PPFIBP1: variants seen among roughly 807,000 people sequenced by gnomAD.
PPFIBP1 encodes the protein PPFIB scaffold protein 1.
In PPFIBP1, 112 loss-of-function variants were observed where a neutral mutation model predicts 137.8. The ratio of observed to expected loss-of-function variants is 0.81; its 90% confidence interval spans 0.70 to 0.95. The LOEUF is 0.95. Among genes scored for constraint, PPFIBP1 ranks in the 40% least tolerant of loss-of-function variants. PPFIBP1 has a pLI of 0.00. For synonymous variants in PPFIBP1, 378 were observed against 417.3 expected (o/e 0.91, Z 1.15); for missense variants, 1,083 against 1,196.6 (o/e 0.91, Z 1.40).
At chr12:27,617,252 C>T (rs1275518748) in intron 2 of PPFIBP1, among the ~76,000 whole-genome samples, 3 of 152,098 alleles carry the variant, frequency 2.0e-5, no homozygotes, top group Non-Finnish European at 4.4e-5. Flanking sequence ...ATGTATACCC[C>T]GATCACTTAG....
intron 1 of PPFIBP1, among the ~76,000 whole-genome samples, chr12:27,529,020 G>A (rs1456034621): frequency 6.6e-6 from 1 of 152,202 alleles, no homozygotes; most frequent in Non-Finnish European, 1.5e-5. Flanking sequence ...AGAATAGAAA[G>A]ATCATGTAGT....
intron 1 of PPFIBP1, among the ~76,000 whole-genome samples, chr12:27,557,482 G>T (rs543616319): frequency 1.3e-5 from 2 of 151,928 alleles, no homozygotes; most frequent in Non-Finnish European, 2.9e-5. Context: ...TGATCCACCC[G>T]CCTTGGCACA....
At chr12:27,579,876 A>G (rs1428660175) in intron 2 of PPFIBP1, among the ~76,000 whole-genome samples, 1 of 152,184 alleles carries the variant, frequency 6.6e-6, no homozygotes, top group Non-Finnish European at 1.5e-5. Context: ...ATGTTTTTGT[A>G]GATTACTCTT....
In PPFIBP1 at chr12:27,689,093, C is replaced by T; in HGVS notation, c.2575C>T (p.His859Tyr). ...IPPNKTLLRR[H>Y]LATHFNLLIG... is the part of the protein sequence containing the mutation. The stretch of plus-strand genomic sequence containing the variant: ...ACCCAATAAGACTTTGCTGCGAAGA[C>T]ATTTGGCCACTCATTTCAACCTTCT... Residue 859 changes from histidine (H) to tyrosine (Y), a missense_variant, in exon 27 of 30, where the codon CAT becomes TAT. Physicochemically the swap from His to Tyr is moderately conservative, Grantham distance 83. Coordinates refer to ENST00000228425, the MANE Select transcript of PPFIBP1 (RefSeq NM_003622.4). The T allele has an allele frequency of 6.2e-7, 1 of 1,612,414 alleles. No homozygotes were observed. The highest frequency in any genetic ancestry group is 8.5e-7 in the Non-Finnish European group (1 of 1,179,638).
At chr12:27,599,688 C>T (rs1007761015) in intron 2 of PPFIBP1, among the ~76,000 whole-genome samples, 4 of 152,132 alleles carry the variant, frequency 2.6e-5, no homozygotes, top group African/African-American at 9.7e-5. Flanking sequence ...AAAAAAGAGA[C>T]ATCCTGAACC....
intron 2 of PPFIBP1, among the ~76,000 whole-genome samples, chr12:27,626,806 T>A (rs1487725708): frequency 6.6e-6 from 1 of 152,170 alleles, no homozygotes; most frequent in African/African-American, 2.4e-5. Flanking sequence ...CCTCAAGTGG[T>A]CTGCCCACCT....
intron 28 of PPFIBP1, 129 bp downstream of exon 28, chr12:27,692,057 A>T: frequency 8.0e-6 from 6 of 752,232 alleles, no homozygotes; most frequent in Non-Finnish European, 1.3e-5. Context: ...ATAATAGTGA[A>T]CACTTAGAGA....
At chr12:27,640,162 C>A (rs73084322) in intron 4 of PPFIBP1, among the ~76,000 whole-genome samples, 11,957 of 152,192 alleles carry the variant, frequency 0.079, 648 homozygotes, top group East Asian at 0.12. Flanking sequence ...TTGATCAAAT[C>A]GGCAGAATTC....
chr12:27,632,996 G>C (rs193244454), intron 2 of PPFIBP1, among the ~76,000 whole-genome samples: 2 of 152,284 alleles, frequency 1.3e-5, no homozygotes, highest in Admixed American at 1.3e-4. Flanking sequence ...CAGAGATTGG[G>C]TGGGGCTGGT....
chr12:27,614,104 A>G (rs2055475083), intron 2 of PPFIBP1, among the ~76,000 whole-genome samples: 1 of 152,098 alleles, frequency 6.6e-6, no homozygotes, highest in Admixed American at 6.5e-5. Flanking sequence ...TTGGCCAAGC[A>G]TGGTGGCTCA....
chr12:27,565,572 C>G (rs547118363), intron 1 of PPFIBP1, among the ~76,000 whole-genome samples: 1 of 152,284 alleles, frequency 6.6e-6, no homozygotes, highest in South Asian at 2.1e-4. Flanking sequence ...TGTTTTCTCT[C>G]TACCTTTTAT....
intron 1 of PPFIBP1, among the ~76,000 whole-genome samples, chr12:27,551,833 G>A (rs374578969): frequency 6.6e-6 from 1 of 152,220 alleles, no homozygotes; most frequent in Non-Finnish European, 1.5e-5. Context: ...AAAACAGTAT[G>A]TTTACAAATG....
At chr12:27,615,889 A>G (rs1319995919) in intron 2 of PPFIBP1, among the ~76,000 whole-genome samples, 1 of 152,128 alleles carries the variant, frequency 6.6e-6, no homozygotes, top group Non-Finnish European at 1.5e-5. Context: ...GAATTGTCCC[A>G]GGATAACTCA....
chr12:27,575,610 G>T (rs2050491142), intron 1 of PPFIBP1, among the ~76,000 whole-genome samples: 1 of 152,172 alleles, frequency 6.6e-6, no homozygotes, highest in Admixed American at 6.5e-5. Flanking sequence ...TGATTAAATG[G>T]ACCCAAATAT....
intron 2 of PPFIBP1, among the ~76,000 whole-genome samples, chr12:27,628,308 C>T (rs2056999073): frequency 1.3e-5 from 2 of 152,148 alleles, no homozygotes; most frequent in African/African-American, 4.8e-5. Context: ...TCCTGAGCAG[C>T]TGGAACTACA....
intron 2 of PPFIBP1, among the ~76,000 whole-genome samples, chr12:27,620,192 A>G (rs997986012): frequency 2.0e-5 from 3 of 152,142 alleles, no homozygotes; most frequent in African/African-American, 4.8e-5. Flanking sequence ...CAGAAATCAG[A>G]TCATGTCATT....
intron 11 of PPFIBP1, among the ~76,000 whole-genome samples, chr12:27,664,125 A>G (rs2059714158): frequency 1.3e-5 from 2 of 152,222 alleles, no homozygotes. Flanking sequence ...TACTTTGCCC[A>G]TATGTTTAAT....
rs927023185 is a variant in PPFIBP1, at chr12:27,537,420, C to A, written c.-124+13055C>A. ...TGCTGGGATTACAGACGTGAGCCACCGCGCCCGGCCCCCCGTTTCCTTATT... is the reference window on the plus strand; with the variant it reads ...TGCTGGGATTACAGACGTGAGCCACAGCGCCCGGCCCCCCGTTTCCTTATT... On this transcript the variant is annotated intron_variant, in intron 1 of 29. Transcript: ENST00000228425. Among the ~76,000 whole-genome samples the A allele has an allele frequency of 6.6e-5, 10 of 152,116 alleles. 1 individual carries two copies. The highest frequency in any genetic ancestry group is 5.9e-4 in the Admixed American group (9 of 15,264).
Position 27,682,356 on chromosome 12 carries a change from A to G in PPFIBP1, c.2047-31A>G, listed in dbSNP as rs1256174536. 2.0e-6 allele frequency: 3 copies of G among 1,494,504 alleles called. No homozygotes were observed. The South Asian group carries it at 3.4e-5, about 17-fold the overall frequency. 92.6% of individuals were successfully genotyped at this position (1,494,504 alleles called of 1,614,324 possible). A position where few individuals can be genotyped will look rare whatever the true frequency, so the allele number is the denominator to read the frequency against. On this transcript the variant is annotated intron_variant, in intron 22 of 29. Coordinates refer to ENST00000228425, the MANE Select transcript of PPFIBP1 (RefSeq NM_003622.4). ...CCAGTGGCACCCAGCCTATACAGATAGAATTATAAAGTCAATGTTTATTGT... is the reference window on the plus strand; with the variant it reads ...CCAGTGGCACCCAGCCTATACAGATGGAATTATAAAGTCAATGTTTATTGT...
Sources: allele counts gnomAD v4.1 joint callset (sites outside exome capture counted in the v4.1 genomes callset), GRCh38; gene constraint gnomAD v4.1.1; transcripts MANE v1.5; gene names NCBI Gene and HGNC (gene_info 2026-07-23, HGNC 2026-07-21).